The following WDFY4 variants were observed in gnomAD, a reference collection of about 807,000 sequenced individuals.
The protein encoded by WDFY4 is WDFY family member 4, also known as WD repeat- and FYVE domain-containing protein 4.
A neutral mutation model predicts 351.9 loss-of-function variants in WDFY4; 169 were observed. The observed-to-expected ratio is 0.48, with a 90% CI of 0.42 to 0.55. WDFY4 has a LOEUF of 0.55. WDFY4 is among the 20% of genes least tolerant of loss of function. The pLI is 0.00. For missense variants in WDFY4, 3,803 were observed against 3,935.6 expected (o/e 0.97, Z 0.90); for synonymous variants, 1,622 against 1,574.6 (o/e 1.03, Z -0.71).
intron 57 of WDFY4, among the ~76,000 whole-genome samples, chr10:48,971,697 G>A (rs568329514): frequency 1.8e-4 from 28 of 152,252 alleles, no homozygotes; most frequent in African/African-American, 4.6e-4. Flanking sequence ...AGGGTGCTGC[G>A]TGGGCACTCA....
intron 39 of WDFY4, among the ~76,000 whole-genome samples, chr10:48,841,196 A>AT (rs1460767021): frequency 6.6e-6 from 1 of 152,254 alleles, no homozygotes; most frequent in African/African-American, 2.4e-5. Flanking sequence ...GGTATATATT[A>AT]AAGTTTCCAT....
intron 24 of WDFY4, chr10:48,801,487 G>T (rs1487153846): frequency 2.2e-6 from 1 of 456,570 alleles, no homozygotes; most frequent in Non-Finnish European, 4.4e-6. Context: ...AGTGTGCAGG[G>T]CTCTTGGAGC....
chr10:48,906,137 A>G (rs930078921), intron 47 of WDFY4, among the ~76,000 whole-genome samples: 6 of 152,212 alleles, frequency 3.9e-5, no homozygotes, highest in Admixed American at 3.9e-4. Flanking sequence ...GCTGCTTGTT[A>G]GTCACTCTAA....
At chr10:48,736,366 G>A (rs2064668171) in intron 11 of WDFY4, 2 of 592,488 alleles carry the variant, frequency 3.4e-6, no homozygotes, top group Middle Eastern at 4.4e-4. Flanking sequence ...GAGACCATGG[G>A]GAACTGCATA....
At position 48,716,597 on chromosome 10, in the gene WDFY4, G is replaced by C. The variant is rs1052902234; in HGVS notation, c.235-3414G>C. On this transcript the variant is annotated intron_variant, in intron 2 of 61. Coordinates refer to ENST00000325239, the MANE Select transcript of WDFY4 (RefSeq NM_001394531.1). ...AACAGCACCCCGGTGGCCTGAAAGA[G>C]TTAACGCAGCTTCCAGAAGTGCCCA... Among the ~76,000 whole-genome samples, 21 of 152,178 alleles carry C rather than the reference G, an allele frequency of 1.4e-4. 2 individuals are homozygous for C. The highest frequency in any genetic ancestry group is 2.4e-5 in the African/African-American group (1 of 41,436).
intron 1 of WDFY4, among the ~76,000 whole-genome samples, chr10:48,703,042 C>T (rs2063523863): frequency 1.3e-5 from 2 of 152,188 alleles, no homozygotes; most frequent in South Asian, 4.1e-4. Context: ...CATAGTACAT[C>T]ACCTCTGTCT....
At position 48,873,519 on chromosome 10, in the gene WDFY4, C is replaced by A. The variant is rs1174444067; in HGVS notation, c.6770C>A (p.Ala2257Asp). The A allele has an allele frequency of 6.4e-7, 1 of 1,551,120 alleles. No individual in the cohort carries two copies. The highest frequency in any genetic ancestry group is 8.7e-7 in the Non-Finnish European group (1 of 1,146,708). The change falls in exon 41 of 62, where the codon GCC becomes GAC. Residue 2257 changes from alanine (A) to aspartate (D), a missense_variant. Around this residue, in one of 3 missense-constraint regions of WDFY4, gnomAD observed 3,054 missense variants for 3,148.6 expected, o/e 0.97. Coordinates refer to ENST00000325239, the MANE Select transcript of WDFY4 (RefSeq NM_001394531.1). ...QRRKCGNIKA[A>D]NAWARIQEQL... ...CGAAAATGTGGCAACATCAAGGCAG[C>A]CAACGCCTGGGCCAGGATCCAGGAG...
chr10:48,728,517 A>G (rs1224490785), intron 7 of WDFY4, among the ~76,000 whole-genome samples: 2 of 152,182 alleles, frequency 1.3e-5, no homozygotes, highest in Non-Finnish European at 2.9e-5. Flanking sequence ...TGAGGGGTAT[A>G]TCTACTACCG....
At chr10:48,818,253 G>C (rs1330680255) in intron 32 of WDFY4, among the ~76,000 whole-genome samples, 1 of 152,226 alleles carries the variant, frequency 6.6e-6, no homozygotes, top group Non-Finnish European at 1.5e-5. Context: ...TTTGAAAGGT[G>C]AGCAATGCTA....
chr10:48,687,679 A>G (rs2063088327), intron 1 of WDFY4, among the ~76,000 whole-genome samples: 1 of 133,896 alleles, frequency 7.5e-6, no homozygotes, highest in African/African-American at 2.9e-5. Flanking sequence ...CAATGGCATG[A>G]TCTTGGCTCA....
chr10:48,885,571 G>A (rs2070419921), intron 43 of WDFY4, among the ~76,000 whole-genome samples: 1 of 152,208 alleles, frequency 6.6e-6, no homozygotes, highest in Non-Finnish European at 1.5e-5. Context: ...GACACATGCA[G>A]GCAGGCAGGG....
chr10:48,874,948 C>A (rs1256552539), intron 41 of WDFY4, 141 bp from the exon 42 acceptor site: 3 of 409,474 alleles, frequency 7.3e-6, no homozygotes, highest in Non-Finnish European at 1.3e-5. Flanking sequence ...TTTAGTGTTT[C>A]TCTCCCTTTG....
chr10:48,689,892 G>A (rs1589388297), intron 1 of WDFY4, among the ~76,000 whole-genome samples: 1 of 152,340 alleles, frequency 6.6e-6, no homozygotes, highest in East Asian at 1.9e-4. Context: ...TTTTACAGAT[G>A]AGAAAATGGA....
At chr10:48,977,922 G>A (rs1481361811) in intron 59 of WDFY4, among the ~76,000 whole-genome samples, 1 of 152,226 alleles carries the variant, frequency 6.6e-6, no homozygotes, top group Non-Finnish European at 1.5e-5. Flanking sequence ...ACAAGATGGG[G>A]GTGCCCAGCC....
At chr10:48,935,755 G>T (rs1396711122) in intron 47 of WDFY4, among the ~76,000 whole-genome samples, 1 of 152,132 alleles carries the variant, frequency 6.6e-6, no homozygotes, top group Non-Finnish European at 1.5e-5. Flanking sequence ...TTACTTGATT[G>T]TATGTCATTA....
intron 39 of WDFY4, among the ~76,000 whole-genome samples, chr10:48,840,477 A>G (rs572025361): frequency 1.5e-4 from 22 of 147,416 alleles, no homozygotes; most frequent in Middle Eastern, 6.9e-3. Context: ...ACACACCCCC[A>G]CTCTCTTTCT....
chr10:48,957,135 A>C lies in WDFY4; in HGVS notation c.7984A>C (p.Ser2662Arg). Residue 2662 changes from serine (S) to arginine (R), a missense_variant, in exon 52 of 62, where the codon AGC becomes CGC. By Grantham distance (110) the Ser-to-Arg change is moderately radical (BLOSUM62 -1). This residue lies in a region of WDFY4 where 3,054 missense variants were observed against 3,148.6 expected (regional missense o/e 0.97). Transcript: ENST00000325239. ...TTGGCTCCATTTCCCCCAGGGCGGA[A>C]GCTTCGACGTGGCAGACAGAATGTT... ...TQAFCALQGG[S>R]FDVADRMFHS... 1 of 1,549,718 alleles carries C rather than the reference A, an allele frequency of 6.5e-7. No individual in the cohort carries two copies. Among genetic ancestry groups the C allele is most frequent in the Non-Finnish European group, 8.7e-7 (1 of 1,145,562 alleles).
intron 39 of WDFY4, among the ~76,000 whole-genome samples, chr10:48,866,226 CTA>C (rs1218338786): frequency 6.6e-6 from 1 of 151,878 alleles, no homozygotes; most frequent in East Asian, 1.9e-4. Context: ...GCATTTATAA[CTA>C]TGAGTTTTCC....
At position 48,982,894 on chromosome 10, in the gene WDFY4, G is replaced by T; in HGVS notation, c.*319G>T. On this transcript the variant is annotated 3_prime_UTR_variant, in exon 62 of 62. Coordinates refer to ENST00000325239, the MANE Select transcript of WDFY4 (RefSeq NM_001394531.1). Reference sequence around the variant, plus strand: ...TATTGCACTGAAAAAAAAAAAGATGGGTCGCTTACTGGAAATTATTGTATT... The same window carrying T: ...TATTGCACTGAAAAAAAAAAAGATGTGTCGCTTACTGGAAATTATTGTATT... 2.5e-6 allele frequency: 1 copy of T among 392,566 alleles called. No individual in the cohort carries two copies. Among genetic ancestry groups the T allele is most frequent in the South Asian group, 2.0e-5 (1 of 49,876 alleles). 24.3% of individuals were successfully genotyped at this position (392,566 alleles called of 1,614,324 possible).
Sources: gnomAD v4.1 joint callset for allele counts (sites outside exome capture counted in the v4.1 genomes callset) on GRCh38, gnomAD v4.1.1 for gene constraint, gnomAD v4.1.1 regional missense constraint, MANE v1.5 for transcripts, NCBI Gene and HGNC (gene_info 2026-07-23, HGNC 2026-07-21) for gene names.